The following KIAA0586 variants were observed in gnomAD, a reference collection of about 807,000 sequenced individuals.
KIAA0586 encodes the protein protein TALPID3.
In KIAA0586, 144 loss-of-function variants were observed where a neutral mutation model predicts 169.8. That is an observed-to-expected ratio of 0.85 (90% CI 0.74 to 0.97). KIAA0586 has a LOEUF of 0.97. KIAA0586 is among the 50% of genes least tolerant of loss of function. The pLI is 0.00. For synonymous variants in KIAA0586, 625 were observed against 612.4 expected (o/e 1.02, Z -0.30); for missense variants, 1,854 against 1,823.0 (o/e 1.02, Z -0.31).
intron 18 of KIAA0586, among the ~76,000 whole-genome samples, chr14:58,474,334 G>A (rs1423057033): frequency 1.3e-5 from 2 of 152,188 alleles, no homozygotes; most frequent in East Asian, 1.9e-4. Context: ...AGTGTTTTAT[G>A]TAGGAATAAT....
chr14:58,561,874 T>C, the KIAA0586 span, among the ~76,000 whole-genome samples: 451 of 152,346 alleles, frequency 3.0e-3, 4 homozygotes, highest in African/African-American at 9.6e-3. Flanking sequence ...TAGATGCATC[T>C]TGAATTCATT....
At chr14:58,465,447 A>G (rs544870128) in intron 14 of KIAA0586, among the ~76,000 whole-genome samples, 2 of 152,310 alleles carry the variant, frequency 1.3e-5, no homozygotes, top group South Asian at 2.1e-4. Flanking sequence ...TCTAGTTATT[A>G]TATCTATTTT....
Position 58,548,765 on chromosome 14 carries a change from A to G in KIAA0586, c.*833A>G, listed in dbSNP as rs1469514672. The G allele has an allele frequency of 6.6e-6, 1 of 152,186 alleles. No homozygotes were observed. The highest frequency in any genetic ancestry group is 2.4e-5 in the African/African-American group (1 of 41,440). The allele number at this position is 152,186 out of a possible 1,614,324, so 9.4% of individuals were successfully genotyped here. ...ATAAACCTGTGAAACATGTAACTCT[A>G]TTACCTTTTGCAACATAAATACATA... On this transcript the variant is annotated 3_prime_UTR_variant, in exon 31 of 31. Coordinates refer to ENST00000652326, the MANE Select transcript of KIAA0586 (RefSeq NM_001329943.3).
intron 20 of KIAA0586, among the ~76,000 whole-genome samples, 198 bp from the exon 21 acceptor site, chr14:58,482,315 A>G (rs767034969): frequency 6.6e-6 from 1 of 151,980 alleles, no homozygotes; most frequent in African/African-American, 2.4e-5. Context: ...AGTCCCAGCT[A>G]TTCAGGAGGC....
chr14:58,488,018 C>T lies in KIAA0586; in HGVS notation c.3436C>T (p.Pro1146Ser). 1 of 1,610,584 alleles carries T rather than the reference C, an allele frequency of 6.2e-7. No homozygotes were observed. Residue 1146 changes from proline to serine, a missense_variant, in exon 23 of 31, where the codon CCA becomes TCA. Coordinates refer to ENST00000652326, the MANE Select transcript of KIAA0586 (RefSeq NM_001329943.3). ...CATTGATAAATTGAAGGTATCAAGCCCAGAGCTTCCCAAGCCATGGGGTGA... is the reference window on the plus strand; with the variant it reads ...CATTGATAAATTGAAGGTATCAAGCTCAGAGCTTCCCAAGCCATGGGGTGA... ...ISIDKLKVSS[P>S]ELPKPWGDGD...
intron 8 of KIAA0586, 93 bp downstream of exon 8, chr14:58,450,839 T>C: frequency 2.8e-6 from 2 of 717,964 alleles, no homozygotes; most frequent in African/African-American, 1.8e-5. Flanking sequence ...TCTCTATTTG[T>C]AATATTTTAC....
At chr14:58,461,251 A>G in intron 14 of KIAA0586, 91 bp downstream of exon 14, 1 of 872,266 alleles carries the variant, frequency 1.1e-6, no homozygotes, top group South Asian at 2.4e-5. Context: ...TTTATTGCTT[A>G]TACGTGCCAT....
chr14:58,438,151 G>C (rs965423571), intron 4 of KIAA0586, among the ~76,000 whole-genome samples: 2 of 152,144 alleles, frequency 1.3e-5, no homozygotes, highest in Non-Finnish European at 2.9e-5. Context: ...AGAAAAACTG[G>C]CTAAAAAAGA....
intron 28 of KIAA0586, 128 bp downstream of exon 28, chr14:58,508,837 C>G (rs1469813299): frequency 8.8e-6 from 6 of 681,024 alleles, no homozygotes; most frequent in Non-Finnish European, 1.2e-5. Flanking sequence ...CCTTTATTTC[C>G]TAACTCAAGT....
rs372522718 is a variant in KIAA0586 at position 58,497,043 on chromosome 14, C to T, written c.3991-1740C>T. On this transcript the variant is annotated intron_variant, in intron 26 of 30. Transcript: ENST00000652326. ...AGGCAGGAATGCAGTGGCGGGATCTCGGCTCACCACAACCTCCACCTCCTG... is the reference window on the plus strand; with the variant it reads ...AGGCAGGAATGCAGTGGCGGGATCTTGGCTCACCACAACCTCCACCTCCTG... 4.7e-5 allele frequency among the ~76,000 whole-genome samples: 7 copies of T among 150,294 alleles called. 1 individual carries two copies. The highest frequency in any genetic ancestry group is 4.4e-5 in the Non-Finnish European group (3 of 67,828).
chr14:58,505,660 T>C (rs759511664), intron 27 of KIAA0586, among the ~76,000 whole-genome samples: 6 of 152,210 alleles, frequency 3.9e-5, no homozygotes, highest in Non-Finnish European at 8.8e-5. Context: ...AGTAGAAATA[T>C]GAAGATATGT....
At chr14:58,558,479 A>T in the KIAA0586 span, among the ~76,000 whole-genome samples, 805 of 152,346 alleles carry the variant, frequency 5.3e-3, 9 homozygotes, top group African/African-American at 0.018. Context: ...AAATTGTTGT[A>T]TAAGGGTGGA....
At chr14:58,506,119 A>G (rs1444395036) in intron 27 of KIAA0586, among the ~76,000 whole-genome samples, 1 of 152,108 alleles carries the variant, frequency 6.6e-6, no homozygotes, top group African/African-American at 2.4e-5. Context: ...AGAGTTTTCA[A>G]TATCTTCTTT....
intron 1 of KIAA0586, 30 bp downstream of exon 1, chr14:58,428,493 G>C: frequency 6.6e-7 from 1 of 1,516,228 alleles, no homozygotes; most frequent in Non-Finnish European, 9.1e-7. Context: ...TTTTCAACCA[G>C]TTTTAGTTTA....
chr14:58,500,721 CAA>C (rs34668365), intron 27 of KIAA0586, among the ~76,000 whole-genome samples: 26 of 129,626 alleles, frequency 2.0e-4, no homozygotes, highest in Admixed American at 1.5e-4. Flanking sequence ...GTCTCTGCCT[CAA>C]AAAAAAAAAA....
At chr14:58,499,858 C>T (rs1158226772) in intron 27 of KIAA0586, among the ~76,000 whole-genome samples, 2 of 152,122 alleles carry the variant, frequency 1.3e-5, no homozygotes, top group African/African-American at 2.4e-5. Flanking sequence ...CATGCCCAGC[C>T]GATGCATTTA....
At chr14:58,519,477 A>T (rs79946204) in intron 29 of KIAA0586, among the ~76,000 whole-genome samples, 1 of 152,210 alleles carries the variant, frequency 6.6e-6, no homozygotes. Context: ...CCCAAAGCAC[A>T]TAATTTAGAA....
chr14:58,537,017 C>T, intron 29 of KIAA0586: 3 of 1,275,272 alleles, frequency 2.4e-6, no homozygotes, highest in Non-Finnish European at 3.1e-6. Context: ...TTTTGATCAG[C>T]AGGATAAAGA....
the KIAA0586 span, among the ~76,000 whole-genome samples, chr14:58,558,154 G>T: frequency 1.3e-5 from 2 of 151,806 alleles, no homozygotes; most frequent in Non-Finnish European, 2.9e-5. Flanking sequence ...CAAGTGACCC[G>T]CCCGCCTTGG....
Sources: gnomAD v4.1 joint callset for allele counts (sites outside exome capture counted in the v4.1 genomes callset) on GRCh38, gnomAD v4.1.1 for gene constraint, MANE v1.5 for transcripts, NCBI Gene and HGNC (gene_info 2026-07-23, HGNC 2026-07-21) for gene names.